The following CDCA8 variants were observed in gnomAD, a reference collection of about 807,000 sequenced individuals.
CDCA8 encodes cell division cycle associated 8, also known as borealin.
Under a neutral mutation model 40.0 loss-of-function variants are expected in CDCA8, and 25 were observed. That is an observed-to-expected ratio of 0.63 (90% confidence interval 0.46 to 0.87). The LOEUF is 0.87. Among genes scored for constraint, CDCA8 ranks in the 40% least tolerant of loss-of-function variants. The pLI, the probability that CDCA8 is intolerant of heterozygous loss-of-function variation, is 0.00. For missense variants in CDCA8, 280 were observed against 348.4 expected (o/e 0.80, Z 1.56); for synonymous variants, 111 against 126.5 (o/e 0.88, Z 0.82).
chr1:37,698,318 G>T (rs534166095), intron 3 of CDCA8, among the ~76,000 whole-genome samples: 1 of 152,328 alleles, frequency 6.6e-6, no homozygotes, highest in South Asian at 2.1e-4. Flanking sequence ...GGGGAAACTT[G>T]GACATGTACC....
intron 8 of CDCA8, 30 bp downstream of exon 8, chr1:37,705,597 CA>C (rs1377208861): frequency 1.2e-6 from 2 of 1,610,238 alleles, no homozygotes; most frequent in Non-Finnish European, 1.7e-6. Context: ...AGCCAGGCCA[CA>C]GTGTGCTGCT....
intron 4 of CDCA8, among the ~76,000 whole-genome samples, chr1:37,699,930 A>AG (rs1645552931): frequency 6.6e-6 from 1 of 152,018 alleles, no homozygotes; most frequent in African/African-American, 2.4e-5. Context: ...AAAAAAAAAA[A>AG]AAAGTTACTC....
In CDCA8 at chr1:37,705,421, C is replaced by CA. The variant is rs1401061345; in HGVS notation, c.585-19dup. 2 of 1,609,566 alleles carry CA rather than the reference C, an allele frequency of 1.2e-6. No homozygotes were observed. Among genetic ancestry groups the CA allele is most frequent in the Non-Finnish European group, 1.7e-6 (2 of 1,176,294 alleles). On this transcript the variant is annotated intron_variant, in intron 7 of 9. Coordinates refer to ENST00000373055, the MANE Select transcript of CDCA8 (RefSeq NM_001256875.2). ...TCATCCAATTGCCAAGCTATCTTCACAGAGATTTTCCCATTCTAGGGTCTT... is the reference window on the plus strand; with the variant it reads ...TCATCCAATTGCCAAGCTATCTTCACAAGAGATTTTCCCATTCTAGGGTCTT...
At chr1:37,700,253 G>A (rs892898846) in intron 4 of CDCA8, among the ~76,000 whole-genome samples, 183 bp from the exon 5 acceptor site, 4 of 152,186 alleles carry the variant, frequency 2.6e-5, no homozygotes, top group Non-Finnish European at 5.9e-5. Flanking sequence ...ATCATATGGG[G>A]TCTCTTAACA....
Position 37,692,606 on chromosome 1 carries a change from GTCCCCGTCC to G in CDCA8, c.-84_-76del. The G allele has an allele frequency of 9.2e-7, 1 of 1,090,556 alleles. No individual in the cohort carries two copies. Among genetic ancestry groups the G allele is most frequent in the Non-Finnish European group, 1.4e-6 (1 of 727,054 alleles). 67.6% of individuals were successfully genotyped at this position (1,090,556 alleles called of 1,614,324 possible). ...ACGTGCCTGGCGACTTCTTCGGGTGGTCCCCGTCCGCCCTCCTCGTCCCTACCCAGTTTC... is the reference window on the plus strand; with the variant it reads ...ACGTGCCTGGCGACTTCTTCGGGTGGGCCCTCCTCGTCCCTACCCAGTTTC... On this transcript the variant is annotated 5_prime_UTR_variant, in exon 1 of 10. Coordinates refer to ENST00000373055, the MANE Select transcript of CDCA8 (RefSeq NM_001256875.2).
At position 37,692,939 on chromosome 1, in the gene CDCA8, G is replaced by A; in HGVS notation, c.129G>A (p.Arg43=). 6.2e-7 allele frequency: 1 copy of A among 1,614,136 alleles called. No homozygotes were observed. The highest frequency in any genetic ancestry group is 8.5e-7 in the Non-Finnish European group (1 of 1,180,022). Residue 43 remains arginine (R), a synonymous_variant, in exon 2 of 10, where the codon AGG becomes AGA. Coordinates refer to ENST00000373055, the MANE Select transcript of CDCA8 (RefSeq NM_001256875.2). ...EIRIKQIESD[R]QNLLKEVDNL... ...GAATCAAGCAAATTGAGTCAGACAG[G>A]CAGAACCTCCTCAAGGAGGTGGATA...
In CDCA8 at chr1:37,692,617, C is replaced by T; in HGVS notation, c.-74C>T. ...GACTTCTTCGGGTGGTCCCCGTCCGCCCTCCTCGTCCCTACCCAGTTTCTT... is the reference window on the plus strand; with the variant it reads ...GACTTCTTCGGGTGGTCCCCGTCCGTCCTCCTCGTCCCTACCCAGTTTCTT... On this transcript the variant is annotated 5_prime_UTR_variant, in exon 1 of 10. Transcript: ENST00000373055. 1.6e-6 allele frequency: 2 copies of T among 1,219,282 alleles called. No homozygotes were observed. Among genetic ancestry groups the T allele is most frequent in the Admixed American group, 3.9e-5 (2 of 51,572 alleles). The allele number at this position is 1,219,282 out of a possible 1,614,324, so 75.5% of individuals were successfully genotyped here.
chr1:37,703,181 T>C (rs1645576313), intron 6 of CDCA8, 71 bp from the exon 7 acceptor site: 1 of 1,159,780 alleles, frequency 8.6e-7, no homozygotes, highest in Non-Finnish European at 1.3e-6. Context: ...GCTCTCCACG[T>C]GTCACTCCTC....
At chr1:37,693,801 G>A (rs191137760) in intron 2 of CDCA8, among the ~76,000 whole-genome samples, 1 of 152,260 alleles carries the variant, frequency 6.6e-6, no homozygotes, top group African/African-American at 2.4e-5. Flanking sequence ...AGAATAACCC[G>A]AAGCAGCTCC....
In CDCA8 at chr1:37,705,536, T is replaced by G; in HGVS notation, c.680T>G (p.Ile227Ser). Residue 227 changes from isoleucine to serine, a missense_variant, in exon 8 of 10, where the codon ATC becomes AGC. Ile to Ser is a moderately radical substitution (Grantham distance 142). Transcript: ENST00000373055. ...AGCCCTCTTGCTGACAGCAAAGAGA[T>G]CTTCCTCACTGTGCCAGTGGGCGGC... is the stretch of plus-strand genomic sequence containing the variant. ...NGSPLADSKE[I>S]FLTVPVGGGE... 6.2e-7 allele frequency: 1 copy of G among 1,613,696 alleles called. No individual in the cohort carries two copies.
At chr1:37,698,769 A>G (rs889209551) in intron 3 of CDCA8, 136 bp from the exon 4 acceptor site, 15 of 628,240 alleles carry the variant, frequency 2.4e-5, no homozygotes, top group African/African-American at 3.7e-5. Flanking sequence ...GGAGTTTGCT[A>G]TATTGTATAT....
At chr1:37,694,099 C>T (rs1247475693) in intron 2 of CDCA8, among the ~76,000 whole-genome samples, 1 of 152,158 alleles carries the variant, frequency 6.6e-6, no homozygotes, top group Non-Finnish European at 1.5e-5. Context: ...GAGAGCACGC[C>T]ATTGCACTCC....
intron 6 of CDCA8, among the ~76,000 whole-genome samples, chr1:37,702,527 T>C (rs1437265918): frequency 6.6e-6 from 1 of 151,972 alleles, no homozygotes; most frequent in Non-Finnish European, 1.5e-5. Flanking sequence ...CTTAGGAGAG[T>C]AGTCACCGGG....
intron 7 of CDCA8, 32 bp from the exon 8 acceptor site, chr1:37,705,409 A>C (rs903867374): frequency 1.2e-6 from 2 of 1,606,106 alleles, no homozygotes; most frequent in Non-Finnish European, 1.7e-6. Context: ...TCCAATTGCC[A>C]AGCTATCTTC....
intron 6 of CDCA8, among the ~76,000 whole-genome samples, chr1:37,702,918 C>T (rs1645574191): frequency 6.7e-6 from 1 of 149,294 alleles, no homozygotes; most frequent in Non-Finnish European, 1.5e-5. Context: ...CGCCATTGCA[C>T]TCCAGCCTGG....
chr1:37,703,821 T>G (rs1645580988), intron 7 of CDCA8, among the ~76,000 whole-genome samples: 2 of 152,224 alleles, frequency 1.3e-5, no homozygotes, highest in Admixed American at 6.5e-5. Context: ...AAGTGTAGTT[T>G]CACCTATCTT....
chr1:37,702,230 G>A (rs998869474), intron 6 of CDCA8, among the ~76,000 whole-genome samples: 2 of 151,494 alleles, frequency 1.3e-5, no homozygotes, highest in Non-Finnish European at 2.9e-5. Flanking sequence ...GTAGATGCGG[G>A]GTTTCTCCAT....
intron 6 of CDCA8, among the ~76,000 whole-genome samples, chr1:37,702,558 G>C (rs535553791): frequency 6.6e-6 from 1 of 152,146 alleles, no homozygotes; most frequent in African/African-American, 2.4e-5. Context: ...GTGGAGGAGC[G>C]AACTCATTTC....
chr1:37,698,039 C>A (rs1410147125), intron 3 of CDCA8, among the ~76,000 whole-genome samples: 1 of 151,810 alleles, frequency 6.6e-6, no homozygotes, highest in Admixed American at 6.6e-5. Flanking sequence ...GAAAAAAAAA[C>A]GAATTTGAAT....
Sources: gnomAD v4.1 joint callset for allele counts (sites outside exome capture counted in the v4.1 genomes callset) on GRCh38, gnomAD v4.1.1 for gene constraint, MANE v1.5 for transcripts, NCBI Gene and HGNC (gene_info 2026-07-23, HGNC 2026-07-21) for gene names.